RBM47: variants seen among roughly 807,000 people sequenced by gnomAD.
The protein encoded by RBM47 is RNA-binding protein 47.
In RBM47, 21 loss-of-function variants were observed where a neutral mutation model predicts 47.1. The observed-to-expected ratio is 0.45, with a 90% CI of 0.32 to 0.64. The LOEUF (loss-of-function observed/expected upper bound fraction) is 0.64, where lower values mean the gene tolerates loss of function less well. Among genes scored for constraint, RBM47 ranks in the 30% least tolerant of loss-of-function variants. RBM47 has a pLI of 0.05. For synonymous variants in RBM47, 375 were observed against 361.7 expected, an observed-to-expected ratio of 1.04 and a Z score of -0.42; for missense variants, 708 against 870.9, an observed-to-expected ratio of 0.81 and a Z score of 2.35.
At chr4:40,434,511 G>A (rs1711973281) in intron 5 of RBM47, among the ~76,000 whole-genome samples, 1 of 152,036 alleles carries the variant, frequency 6.6e-6, no homozygotes, top group South Asian at 2.1e-4. Context: ...TAAACCTTAA[G>A]CTACCGTAAC....
At chr4:40,427,691 T>C (rs1715255486) in intron 6 of RBM47, 1 of 152,204 alleles carries the variant, frequency 6.6e-6, no homozygotes, top group African/African-American at 2.4e-5. Flanking sequence ...TGTGAAATGG[T>C]GAATTAAAAT....
intron 3 of RBM47, among the ~76,000 whole-genome samples, chr4:40,460,791 G>A (rs916305546): frequency 6.6e-6 from 1 of 151,302 alleles, no homozygotes; most frequent in African/African-American, 2.4e-5. Flanking sequence ...GGGACGCTGA[G>A]GCAGGACAAT....
In RBM47 at chr4:40,438,599, C is replaced by T. The variant is rs1451634005; in HGVS notation, c.295G>A (p.Glu99Lys). ...PVFEAVGRIYELRLMMDFDGK... is the reference protein window; with the variant it reads ...PVFEAVGRIYKLRLMMDFDGK... ...TCAAAGTCCATCATGAGGCGCAGCT[C>T]GTAGATGCGGCCCACGGCCTCGAAC... The change falls in exon 4 of 7, where the codon GAG becomes AAG. Residue 99 changes from glutamate to lysine, a missense_variant. By Grantham distance (56) the Glu-to-Lys change is moderately conservative. Coordinates refer to ENST00000295971, the MANE Select transcript of RBM47 (RefSeq NM_001098634.2). The T allele has an allele frequency of 1.2e-6, 2 of 1,613,914 alleles. No homozygotes were observed. The highest frequency in any genetic ancestry group is 1.3e-5 in the African/African-American group (1 of 75,066).
chr4:40,584,971 G>A (rs187654086), intron 1 of RBM47, among the ~76,000 whole-genome samples: 2 of 152,180 alleles, frequency 1.3e-5, no homozygotes, highest in African/African-American at 4.8e-5. Flanking sequence ...TAATGGAGGC[G>A]CAGTGACCAT....
chr4:40,438,201 G>C lies in RBM47; in HGVS notation c.693C>G (p.Ala231=), dbSNP rs139398476. The C allele has an allele frequency of 3.9e-4, 625 of 1,606,896 alleles. No homozygotes were observed. The highest frequency in any genetic ancestry group is 3.3e-3 in the Middle Eastern group (20 of 6,062). ...CCTCGTCCACGTCGATCTCAGGTTC[G>C]GCCCAGTCCACGGCGATCTGGTGGC... The part of the protein sequence containing the change: ...LWGHQIAVDW[A]EPEIDVDEDV... The change falls in exon 4 of 7, where the codon GCC becomes GCG. Residue 231 remains alanine, a synonymous_variant. Coordinates refer to ENST00000295971, the MANE Select transcript of RBM47 (RefSeq NM_001098634.2).
intron 2 of RBM47, among the ~76,000 whole-genome samples, chr4:40,498,864 G>A (rs1050124663): frequency 1.1e-4 from 17 of 151,844 alleles, no homozygotes; most frequent in Admixed American, 9.2e-4. Context: ...TGACCAACAC[G>A]GAGCAACCCC....
At chr4:40,536,766 T>C (rs1449242646) in intron 2 of RBM47, among the ~76,000 whole-genome samples, 1 of 151,774 alleles carries the variant, frequency 6.6e-6, no homozygotes, top group Non-Finnish European at 1.5e-5. Context: ...CGCTCTGTCA[T>C]CCAGGCTAGA....
chr4:40,609,819 G>A (rs961603787), intron 1 of RBM47, among the ~76,000 whole-genome samples: 4 of 151,892 alleles, frequency 2.6e-5, no homozygotes, highest in African/African-American at 4.8e-5. Flanking sequence ...TTCAAGCCAG[G>A]CGCTGTGGCT....
At chr4:40,601,006 A>G (rs1244945413) in intron 1 of RBM47, among the ~76,000 whole-genome samples, 1 of 151,196 alleles carries the variant, frequency 6.6e-6, no homozygotes, top group Non-Finnish European at 1.5e-5. Context: ...AAAAAAAGAA[A>G]GAAGAACATA....
At chr4:40,444,422 T>TA (rs528494437) in intron 3 of RBM47, among the ~76,000 whole-genome samples, 27,097 of 139,844 alleles carry the variant, frequency 0.19, 2,652 homozygotes, top group Middle Eastern at 0.25. Context: ...ACCCTATCCT[T>TA]AAAAAAAAAA....
At chr4:40,453,343 A>C (rs902139015) in intron 3 of RBM47, among the ~76,000 whole-genome samples, 8 of 152,226 alleles carry the variant, frequency 5.3e-5, no homozygotes, top group African/African-American at 1.7e-4. Flanking sequence ...TGCACAAGCA[A>C]GGATGGACTG....
intron 1 of RBM47, among the ~76,000 whole-genome samples, chr4:40,617,978 A>G (rs2154280667): frequency 6.6e-6 from 1 of 152,260 alleles, no homozygotes; most frequent in East Asian, 1.9e-4. Flanking sequence ...ATGGTGGTTC[A>G]CACCATAATC....
At chr4:40,527,473 T>C (rs1310867061) in intron 2 of RBM47, among the ~76,000 whole-genome samples, 1 of 137,438 alleles carries the variant, frequency 7.3e-6, no homozygotes, top group Non-Finnish European at 1.5e-5. Flanking sequence ...TATTTTTTAG[T>C]AGAGACAGGG....
At chr4:40,546,166 T>C (rs191078751) in intron 1 of RBM47, among the ~76,000 whole-genome samples, 8 of 152,156 alleles carry the variant, frequency 5.3e-5, no homozygotes, top group South Asian at 2.1e-4. Flanking sequence ...TTTTTTTTTT[T>C]CCAGATGGAG....
intron 1 of RBM47, among the ~76,000 whole-genome samples, chr4:40,557,419 G>A (rs895238762): frequency 6.6e-6 from 1 of 152,146 alleles, no homozygotes; most frequent in African/African-American, 2.4e-5. Flanking sequence ...CCAGCATGAA[G>A]CATAGCACCT....
At chr4:40,584,055 T>C (rs933793350) in intron 1 of RBM47, among the ~76,000 whole-genome samples, 6 of 152,130 alleles carry the variant, frequency 3.9e-5, no homozygotes, top group Non-Finnish European at 8.8e-5. Context: ...CACTGCAGCC[T>C]CCAGGCTCAA....
rs776594658 is a variant in RBM47 at position 40,457,928 on chromosome 4, A to T, written c.-32+8649T>A. On this transcript the variant is annotated intron_variant, in intron 3 of 6. Coordinates refer to ENST00000295971, the MANE Select transcript of RBM47 (RefSeq NM_001098634.2). ...TTGGAGTTTGAGACCAACCTGGGCA[A>T]CATAATGAGACCCCACCTCTAATAA... is the stretch of plus-strand genomic sequence containing the variant. Among the ~76,000 whole-genome samples, 151 of 152,346 alleles carry T rather than the reference A, an allele frequency of 9.9e-4. 3 individuals are homozygous for T. The highest frequency in any genetic ancestry group is 7.9e-4 in the Non-Finnish European group (54 of 68,026).
intron 2 of RBM47, among the ~76,000 whole-genome samples, chr4:40,482,060 C>T (rs1720511682): frequency 6.6e-6 from 1 of 152,156 alleles, no homozygotes; most frequent in South Asian, 2.1e-4. Context: ...TAACTGGGAG[C>T]TAATAATCCT....
At chr4:40,618,808 C>CAAAAA (rs35543412) in intron 1 of RBM47, among the ~76,000 whole-genome samples, 3 of 27,594 alleles carry the variant, frequency 1.1e-4, no homozygotes, top group Non-Finnish European at 2.1e-4. Flanking sequence ...GACTCCATCT[C>CAAAAA]AAAAAAAAAA....
Sources: allele counts gnomAD v4.1 joint callset (sites outside exome capture counted in the v4.1 genomes callset), GRCh38; gene constraint gnomAD v4.1.1; transcripts MANE v1.5; gene names NCBI Gene and HGNC (gene_info 2026-07-23, HGNC 2026-07-21).